The following WDPCP variants were observed in gnomAD, a reference collection of about 807,000 sequenced individuals.
The protein encoded by WDPCP is WD repeat containing planar cell polarity effector, also known as WD repeat-containing and planar cell polarity effector protein fritz homolog.
In WDPCP, 71 loss-of-function variants were observed where a neutral mutation model predicts 93.1. The observed-to-expected ratio is 0.76, with a 90% CI of 0.63 to 0.93. The LOEUF is 0.93. WDPCP is among the 40% of genes least tolerant of loss of function. The probability of loss-of-function intolerance (pLI) is 0.00; values close to 1 mark genes in which losing one functional copy is unlikely to be tolerated. For missense variants in WDPCP, 844 were observed against 887.4 expected (o/e 0.95, Z 0.62); for synonymous variants, 315 against 315.0 (o/e 1.00, Z 0.00).
At chr2:63,248,171 G>A (rs1414231564) in intron 14 of WDPCP, among the ~76,000 whole-genome samples, 1 of 152,052 alleles carries the variant, frequency 6.6e-6, no homozygotes, top group Non-Finnish European at 1.5e-5. Flanking sequence ...AATAAGTAGA[G>A]TTACAAACTA....
At chr2:63,554,072 A>G (rs1350337713) in intron 1 of WDPCP, among the ~76,000 whole-genome samples, 1 of 152,208 alleles carries the variant, frequency 6.6e-6, no homozygotes, top group African/African-American at 2.4e-5. Flanking sequence ...CCATTGTTCC[A>G]ATAATGTTTA....
chr2:63,768,112 T>C (rs2103936750), intron 2 of WDPCP, among the ~76,000 whole-genome samples: 1 of 152,280 alleles, frequency 6.6e-6, no homozygotes, highest in East Asian at 1.9e-4. Context: ...GTAGAAGGTA[T>C]GGACCAAAGT....
chr2:63,551,585 C>G (rs1266463161), intron 1 of WDPCP, among the ~76,000 whole-genome samples: 2 of 152,156 alleles, frequency 1.3e-5, no homozygotes, highest in African/African-American at 4.8e-5. Flanking sequence ...AACCATGAAC[C>G]AAAATAACAC....
At chr2:63,683,836 G>A (rs1282404614) in intron 2 of WDPCP, among the ~76,000 whole-genome samples, 3 of 149,620 alleles carry the variant, frequency 2.0e-5, no homozygotes, top group African/African-American at 4.9e-5. Context: ...GTGACAGAGT[G>A]AGACTCCATC....
chr2:63,153,637 A>T, intron 15 of WDPCP, 63 bp from the exon 16 acceptor site: 1 of 1,172,876 alleles, frequency 8.5e-7, no homozygotes. Context: ...AAGGTTAGGT[A>T]TAAGTTATAG....
rs542116147 is a variant in WDPCP at position 63,240,359 on chromosome 2, G to A, written c.1915+18948C>T. On this transcript the variant is annotated intron_variant, in intron 14 of 17. Transcript: ENST00000272321. ...CCCCGAGCTAGCTTTAAAATTTTTGGTAGAGTTGTGGTCTTGATATATTGC... is the reference window on the plus strand; with the variant it reads ...CCCCGAGCTAGCTTTAAAATTTTTGATAGAGTTGTGGTCTTGATATATTGC... Among the ~76,000 whole-genome samples the A allele has an allele frequency of 8.2e-4, 125 of 152,036 alleles. 2 individuals are homozygous for A. In the South Asian group the frequency reaches 0.026, roughly 31 times the overall value.
At chr2:63,621,866 T>C (rs1453862712) in intron 3 of WDPCP, among the ~76,000 whole-genome samples, 1 of 111,570 alleles carries the variant, frequency 9.0e-6, no homozygotes, top group African/African-American at 3.7e-5. Flanking sequence ...TGGGGGCCAA[T>C]ATTCAACATT....
chr2:63,644,504 A>T (rs1710025559), intron 3 of WDPCP, among the ~76,000 whole-genome samples: 1 of 151,982 alleles, frequency 6.6e-6, no homozygotes, highest in Admixed American at 6.6e-5. Context: ...GGCCTCCCAA[A>T]GTGCTGGGAT....
intron 2 of WDPCP, among the ~76,000 whole-genome samples, chr2:63,798,731 A>G (rs1670648353): frequency 6.6e-6 from 1 of 152,154 alleles, no homozygotes; most frequent in South Asian, 2.1e-4. Flanking sequence ...CTTATTAATA[A>G]TAACACTGAA....
At position 63,350,113 on chromosome 2, in the gene WDPCP, A is replaced by G. The variant is rs1458128288; in HGVS notation, c.1748+28273T>C. Among the ~76,000 whole-genome samples, 3 of 152,180 alleles carry G rather than the reference A, an allele frequency of 2.0e-5. 1 individual carries two copies. The highest frequency in any genetic ancestry group is 2.9e-5 in the Non-Finnish European group (2 of 68,036). On this transcript the variant is annotated intron_variant, in intron 12 of 17. Transcript: ENST00000272321. ...ACACCATGGAATACTATGCAGTCAT[A>G]AAAAAGGTGAGTTCATGTCCTTTGC...
At chr2:63,122,122 C>G (rs529916161) in intron 17 of WDPCP, 66 bp from the exon 18 acceptor site, 5 of 1,312,320 alleles carry the variant, frequency 3.8e-6, no homozygotes, top group Admixed American at 3.6e-5. Flanking sequence ...ACATTTGTAT[C>G]TTTATTATTT....
intron 2 of WDPCP, among the ~76,000 whole-genome samples, chr2:63,675,267 A>G (rs1416812979): frequency 6.6e-6 from 1 of 152,140 alleles, no homozygotes. Context: ...GTTTCTCAGA[A>G]TCTTGGCTGA....
intron 3 of WDPCP, among the ~76,000 whole-genome samples, chr2:63,623,184 G>A (rs1474839135): frequency 6.6e-6 from 1 of 152,172 alleles, no homozygotes; most frequent in Admixed American, 6.5e-5. Flanking sequence ...GCTCCTGAAG[G>A]AAGCACTAAA....
chr2:63,176,425 CATT>C (rs1673808405), intron 14 of WDPCP, among the ~76,000 whole-genome samples: 1 of 151,874 alleles, frequency 6.6e-6, no homozygotes, highest in Admixed American at 6.6e-5. Context: ...TTAAAAAAAA[CATT>C]ATTGTAGAGA....
At chr2:63,814,722 AC>A (rs1285578645) in intron 1 of WDPCP, among the ~76,000 whole-genome samples, 7 of 152,190 alleles carry the variant, frequency 4.6e-5, no homozygotes, top group African/African-American at 1.7e-4. Context: ...GTTTTTGAAA[AC>A]AGCACTATGT....
At chr2:63,441,125 CA>C (rs1697473664) in intron 6 of WDPCP, 1 of 152,124 alleles carries the variant, frequency 6.6e-6, no homozygotes, top group South Asian at 2.1e-4. Flanking sequence ...AATACCTCTA[CA>C]GGGGCAGAGA....
At chr2:63,378,539 A>G in intron 11 of WDPCP, 30 bp from the exon 12 acceptor site, 1 of 1,612,630 alleles carries the variant, frequency 6.2e-7, no homozygotes, top group East Asian at 2.2e-5. Flanking sequence ...CAGCACTAAA[A>G]CAAGTGAAAA....
At chr2:63,386,930 T>C (rs189836266) in intron 10 of WDPCP, among the ~76,000 whole-genome samples, 1 of 152,122 alleles carries the variant, frequency 6.6e-6, no homozygotes, top group African/African-American at 2.4e-5. Flanking sequence ...CCTGTCAAGA[T>C]TGAATCAGGA....
At chr2:63,481,601 T>C (rs1238554225) in intron 6 of WDPCP, among the ~76,000 whole-genome samples, 1 of 152,058 alleles carries the variant, frequency 6.6e-6, no homozygotes, top group Non-Finnish European at 1.5e-5. Flanking sequence ...GCAATTTAGA[T>C]GGAATTGCAG....
Sources: allele counts gnomAD v4.1 joint callset (sites outside exome capture counted in the v4.1 genomes callset), GRCh38; gene constraint gnomAD v4.1.1; transcripts MANE v1.5; gene names NCBI Gene and HGNC (gene_info 2026-07-23, HGNC 2026-07-21).